Variants in ALCAM observed in about 807,000 individuals in gnomAD.
ALCAM encodes CD166 antigen.
In ALCAM, 30 loss-of-function variants were observed where a neutral mutation model predicts 70.9. The ratio of observed to expected loss-of-function variants is 0.42; its 90% CI spans 0.32 to 0.57. The LOEUF (loss-of-function observed/expected upper bound fraction) is 0.57, where lower values mean the gene tolerates loss of function less well. Ranked by LOEUF, ALCAM falls within the 20% of genes least tolerant of loss-of-function variation. The pLI is 0.11. For synonymous variants in ALCAM, 249 were observed against 242.5 expected (o/e 1.03, Z -0.25); for missense variants, 591 against 695.1 (o/e 0.85, Z 1.68).
chr3:105,368,253 G>GAGAGAGAGAGAGAGAGAA (rs1935127933), intron 1 of ALCAM, among the ~76,000 whole-genome samples: 1 of 146,472 alleles, frequency 6.8e-6, no homozygotes, highest in Non-Finnish European at 1.5e-5. Flanking sequence ...GAGAGAGAGA[G>GAGAGAGAGAGAGAGAGAA]AGAGAGAGAG....
chr3:105,434,489 A>T (rs977813029), intron 1 of ALCAM, among the ~76,000 whole-genome samples: 4 of 151,976 alleles, frequency 2.6e-5, no homozygotes, highest in Non-Finnish European at 5.9e-5. Flanking sequence ...GCTTGTCCTT[A>T]CTTCAAAAAT....
chr3:105,528,371 T>G (rs897244538), intron 3 of ALCAM, among the ~76,000 whole-genome samples: 5 of 152,178 alleles, frequency 3.3e-5, no homozygotes, highest in African/African-American at 1.2e-4. Flanking sequence ...TTCAGTATAT[T>G]TCTTTCTGAC....
At chr3:105,479,821 C>T (rs1307230528) in intron 1 of ALCAM, among the ~76,000 whole-genome samples, 1 of 152,080 alleles carries the variant, frequency 6.6e-6, no homozygotes, top group Non-Finnish European at 1.5e-5. Context: ...TGGTGTTTAT[C>T]AGTCCCTTAA....
intron 14 of ALCAM, among the ~76,000 whole-genome samples, chr3:105,553,492 T>TTTTA (rs1007029013): frequency 2.6e-5 from 4 of 151,898 alleles, no homozygotes. Context: ...TTGGACTTAA[T>TTTTA]TTTATATTAT....
At chr3:105,468,675 G>T (rs184760611) in intron 1 of ALCAM, among the ~76,000 whole-genome samples, 2 of 151,100 alleles carry the variant, frequency 1.3e-5, no homozygotes, top group Admixed American at 1.3e-4. Context: ...CCAAGGCTGC[G>T]CAGGTCCATA....
At chr3:105,461,317 AC>A (rs755943489) in intron 1 of ALCAM, among the ~76,000 whole-genome samples, 1 of 151,850 alleles carries the variant, frequency 6.6e-6, no homozygotes, top group Non-Finnish European at 1.5e-5. Context: ...TCTGCAACTA[AC>A]TAAAAATTGA....
chr3:105,524,298 G>C lies in ALCAM; in HGVS notation c.184G>C (p.Asp62His). The C allele has an allele frequency of 6.2e-7, 1 of 1,612,872 alleles. No homozygotes were observed. The highest frequency in any genetic ancestry group is 8.5e-7 in the Non-Finnish European group (1 of 1,179,344). ...MFGKWKYEKP[D>H]GSPVFIAFRS... ...TTATTTTAATTTTTAGGAAAAGCCC[G>C]ATGGCTCCCCAGTATTTATTGCCTT... is the stretch of plus-strand genomic sequence containing the variant. The change falls in exon 3 of 16, where the codon GAT becomes CAT. Residue 62 changes from aspartate (D) to histidine (H), a missense_variant. By Grantham distance (81) the Asp-to-His change is moderately conservative. This residue lies in a region of ALCAM where 427 missense variants were observed against 450.4 expected (regional missense o/e 0.95). Transcript: ENST00000306107.
intron 5 of ALCAM, 126 bp from the exon 6 acceptor site, chr3:105,534,537 A>G (rs1441109868): frequency 1.3e-5 from 11 of 879,832 alleles, no homozygotes; most frequent in African/African-American, 3.4e-5. Flanking sequence ...CTACATGTCA[A>G]TTTTCTCTCC....
chr3:105,491,999 A>G (rs1389520277), intron 1 of ALCAM, among the ~76,000 whole-genome samples: 1 of 152,198 alleles, frequency 6.6e-6, no homozygotes, highest in Non-Finnish European at 1.5e-5. Context: ...TCTTCTATGA[A>G]GACATACCCA....
intron 14 of ALCAM, among the ~76,000 whole-genome samples, chr3:105,562,385 A>G (rs182614034): frequency 1.3e-5 from 2 of 152,322 alleles, no homozygotes; most frequent in Admixed American, 6.5e-5. Flanking sequence ...ATGTTCTTCT[A>G]TATCTATTAA....
intron 1 of ALCAM, among the ~76,000 whole-genome samples, chr3:105,390,416 A>T (rs962293826): frequency 2.0e-5 from 3 of 151,910 alleles, no homozygotes; most frequent in Non-Finnish European, 2.9e-5. Context: ...CTATCTCTTC[A>T]TATCCTTTGC....
intron 8 of ALCAM, among the ~76,000 whole-genome samples, chr3:105,543,801 A>G (rs1002505956): frequency 6.6e-6 from 1 of 151,682 alleles, no homozygotes; most frequent in African/African-American, 2.4e-5. Context: ...TAAAATTTTC[A>G]TCTAAATACA....
intron 1 of ALCAM, among the ~76,000 whole-genome samples, chr3:105,514,295 G>C (rs1939323160): frequency 6.6e-6 from 1 of 151,840 alleles, no homozygotes; most frequent in Non-Finnish European, 1.5e-5. Context: ...TTTTGAGATA[G>C]GCCTTAAAGG....
intron 3 of ALCAM, among the ~76,000 whole-genome samples, chr3:105,527,712 T>C (rs577600857): frequency 3.9e-5 from 6 of 152,194 alleles, no homozygotes; most frequent in African/African-American, 1.4e-4. Context: ...ATTGCAGACA[T>C]AGAGTCTGCT....
rs557299908 is a variant in ALCAM at position 105,574,543 on chromosome 3, T to C, written c.*92T>C. The C allele has an allele frequency of 5.2e-5, 8 of 152,742 alleles. No homozygotes were observed. The South Asian group carries it at 8.3e-4, about 16-fold the overall frequency. The allele number at this position is 152,742 out of a possible 1,614,324, so 9.5% of individuals were successfully genotyped here. A position where few individuals can be genotyped will look rare whatever the true frequency, so the allele number is the denominator to read the frequency against. ...TGTATTTAAGACATAAACAAAGACA[T>C]TGACAGCAATTCATGGTTCAAGTAT... On this transcript the variant is annotated 3_prime_UTR_variant, in exon 16 of 16. Transcript: ENST00000306107.
intron 1 of ALCAM, among the ~76,000 whole-genome samples, chr3:105,420,490 G>A (rs975154732): frequency 6.6e-6 from 1 of 151,686 alleles, no homozygotes; most frequent in Non-Finnish European, 1.5e-5. Flanking sequence ...ATTAGAAAAT[G>A]AAGCTGAATG....
intron 1 of ALCAM, among the ~76,000 whole-genome samples, chr3:105,411,749 A>C (rs1936395129): frequency 6.6e-6 from 1 of 152,062 alleles, no homozygotes; most frequent in Non-Finnish European, 1.5e-5. Flanking sequence ...CTTCCAGCCT[A>C]AAAGACAACA....
At chr3:105,427,998 C>A (rs1460859774) in intron 1 of ALCAM, among the ~76,000 whole-genome samples, 2 of 151,678 alleles carry the variant, frequency 1.3e-5, no homozygotes, top group East Asian at 3.9e-4. Context: ...CCTACTCACA[C>A]AAAAATTTTG....
At chr3:105,463,258 A>G (rs1409918151) in intron 1 of ALCAM, among the ~76,000 whole-genome samples, 1 of 151,476 alleles carries the variant, frequency 6.6e-6, no homozygotes, top group African/African-American at 2.4e-5. Flanking sequence ...CTGCATCAGC[A>G]CAACATTATC....
Sources: gnomAD v4.1 joint callset for allele counts (sites outside exome capture counted in the v4.1 genomes callset) on GRCh38, gnomAD v4.1.1 for gene constraint, gnomAD v4.1.1 regional missense constraint, MANE v1.5 for transcripts, NCBI Gene and HGNC (gene_info 2026-07-23, HGNC 2026-07-21) for gene names.